Variants in BCAR3 observed in about 807,000 individuals in gnomAD.
The protein encoded by BCAR3 is breast cancer anti-estrogen resistance protein 3.
A neutral mutation model predicts 80.1 loss-of-function variants in BCAR3; 37 were observed. That is an observed-to-expected ratio of 0.46 (90% confidence interval 0.36 to 0.61). The LOEUF (loss-of-function observed/expected upper bound fraction) is 0.61, where lower values mean the gene tolerates loss of function less well. BCAR3 is among the 20% of genes least tolerant of loss of function. The pLI is 0.00. For missense variants in BCAR3, 978 were observed against 1,068.2 expected (o/e 0.92, Z 1.18); for synonymous variants, 389 against 418.9 (o/e 0.93, Z 0.87).
At chr1:93,703,842 C>T (rs1649736098) in intron 3 of BCAR3, among the ~76,000 whole-genome samples, 3 of 152,192 alleles carry the variant, frequency 2.0e-5, no homozygotes, top group Admixed American at 6.5e-5. Flanking sequence ...TGACAAACAA[C>T]AGACAAATGA....
chr1:93,581,551 C>T (rs1016817327), intron 7 of BCAR3, among the ~76,000 whole-genome samples: 1 of 152,092 alleles, frequency 6.6e-6, no homozygotes, highest in Non-Finnish European at 1.5e-5. Flanking sequence ...GCTGGGATTA[C>T]AGGCGTGTAC....
intron 2 of BCAR3, among the ~76,000 whole-genome samples, chr1:93,650,086 C>T (rs962944350): frequency 1.2e-4 from 18 of 151,338 alleles, no homozygotes; most frequent in African/African-American, 3.9e-4. Context: ...TGCGATGGCT[C>T]ACACCTGTAA....
intron 2 of BCAR3, among the ~76,000 whole-genome samples, chr1:93,824,339 G>A (rs1215939366): frequency 1.5e-5 from 2 of 133,996 alleles, no homozygotes; most frequent in African/African-American, 5.0e-5. Context: ...CCTTAGTGCT[G>A]TTACCCTCTC....
chr1:93,705,719 G>A (rs1403683543), intron 3 of BCAR3, among the ~76,000 whole-genome samples: 2 of 152,208 alleles, frequency 1.3e-5, no homozygotes, highest in South Asian at 2.1e-4. Context: ...CTGAAATGAG[G>A]ATAATTATGG....
chr1:93,616,210 G>T (rs983923671), intron 3 of BCAR3, among the ~76,000 whole-genome samples: 1 of 152,030 alleles, frequency 6.6e-6, no homozygotes, highest in Non-Finnish European at 1.5e-5. Flanking sequence ...TTGTTCCACC[G>T]GGATTAAATA....
chr1:93,840,999 T>C (rs1654941903), intron 2 of BCAR3, among the ~76,000 whole-genome samples: 1 of 152,142 alleles, frequency 6.6e-6, no homozygotes, highest in Admixed American at 6.5e-5. Context: ...AGATGCTTAT[T>C]GTCTGGGAGA....
At chr1:93,659,803 G>A (rs1401583625) in intron 2 of BCAR3, among the ~76,000 whole-genome samples, 3 of 151,790 alleles carry the variant, frequency 2.0e-5, no homozygotes, top group Admixed American at 2.0e-4. Flanking sequence ...TTCATCCCTG[G>A]CTTCTCTGAC....
intron 2 of BCAR3, among the ~76,000 whole-genome samples, chr1:93,786,192 CAA>C (rs61644309): frequency 0.046 from 1,062 of 23,110 alleles, 28 homozygotes; most frequent in African/African-American, 0.2. Flanking sequence ...GACTCCGTCT[CAA>C]AAAAAAAAAA....
At position 93,842,416 on chromosome 1, in the gene BCAR3, T is replaced by G. The variant is rs369483655; in HGVS notation, c.-63+3151A>C. 9.8e-5 allele frequency among the ~76,000 whole-genome samples: 15 copies of G among 152,288 alleles called. No homozygotes were observed. The South Asian group carries it at 3.1e-3, about 32-fold the overall frequency. On this transcript the variant is annotated intron_variant, in intron 2 of 13. Coordinates refer to the BCAR3 transcript ENST00000370244. The stretch of plus-strand genomic sequence containing the variant: ...ATCCACCCGCCTCAGCCTCCCCAAG[T>G]GCTAGGATTACAGCCATGAGCTACC...
Position 93,769,355 on chromosome 1 carries a change from A to ATGTGTGTGTG in BCAR3, c.-62-63223_-62-63214dup, listed in dbSNP as rs59798936. On this transcript the variant is annotated intron_variant, in intron 2 of 13. Coordinates refer to the BCAR3 transcript ENST00000370244. ...TTTAGGACTAAATATGTGGGTAGGA[A>ATGTGTGTGTG]TGTGTGTGTGTGTGTGTGTGTGTGT... Among the ~76,000 whole-genome samples the ATGTGTGTGTG allele has an allele frequency of 4.4e-3, 532 of 119,900 alleles. 6 individuals carry two copies. Among genetic ancestry groups the ATGTGTGTGTG allele is most frequent in the African/African-American group, 0.011 (340 of 31,494 alleles). 78.7% of individuals were successfully genotyped at this position (119,900 alleles called of 152,430 possible).
At chr1:93,712,917 C>G (rs1291034464) in intron 2 of BCAR3, among the ~76,000 whole-genome samples, 1 of 152,194 alleles carries the variant, frequency 6.6e-6, no homozygotes, top group Non-Finnish European at 1.5e-5. Flanking sequence ...CTAGAATGTT[C>G]CTTATCTCTA....
intron 3 of BCAR3, among the ~76,000 whole-genome samples, chr1:93,634,720 C>CAAAAAAAAA (rs71588503): frequency 7.7e-6 from 1 of 129,512 alleles, no homozygotes; most frequent in Non-Finnish European, 1.7e-5. Flanking sequence ...ACAACAACAA[C>CAAAAAAAAA]AAAAAAAAAA....
At chr1:93,602,456 A>G (rs1401105656) in intron 3 of BCAR3, 1 of 152,262 alleles carries the variant, frequency 6.6e-6, no homozygotes, top group African/African-American at 2.4e-5. Flanking sequence ...TGTTGTAAAC[A>G]TGTAAAGAAA....
At chr1:93,841,722 T>C (rs1654967358) in intron 2 of BCAR3, among the ~76,000 whole-genome samples, 1 of 152,206 alleles carries the variant, frequency 6.6e-6, no homozygotes, top group Non-Finnish European at 1.5e-5. Flanking sequence ...CATGTTCCCT[T>C]TATCCTTAGC....
intron 2 of BCAR3, among the ~76,000 whole-genome samples, chr1:93,772,164 A>G (rs1185735414): frequency 6.6e-6 from 1 of 152,214 alleles, no homozygotes; most frequent in African/African-American, 2.4e-5. Flanking sequence ...CACAAGGGAC[A>G]TTGTATGAGA....
rs144951779 is a variant in BCAR3, at chr1:93,695,722, G to A, written c.-12+10370C>T. ...GCCTCAGCCCCTCCTCTGAAATTGC[G>A]CTCCCTGAGGTTGATAATGACTTCT... On this transcript the variant is annotated intron_variant, in intron 3 of 13. Transcript: ENST00000370244. Among the ~76,000 whole-genome samples, 263 of 152,270 alleles carry A rather than the reference G, an allele frequency of 1.7e-3. 1 individual carries two copies. Among genetic ancestry groups the A allele is most frequent in the African/African-American group, 3.3e-3 (139 of 41,538 alleles).
At chr1:93,796,431 G>C (rs1027179165) in intron 2 of BCAR3, among the ~76,000 whole-genome samples, 1 of 147,710 alleles carries the variant, frequency 6.8e-6, no homozygotes, top group African/African-American at 2.6e-5. Context: ...AGGTGCGTCC[G>C]TCACCCCTTT....
At chr1:93,745,123 A>G (rs1419996165) in intron 2 of BCAR3, among the ~76,000 whole-genome samples, 2 of 152,202 alleles carry the variant, frequency 1.3e-5, no homozygotes, top group Admixed American at 6.5e-5. Flanking sequence ...TCTTTCAAAG[A>G]GTCAGTGATG....
chr1:93,828,887 T>C (rs1654464845), intron 2 of BCAR3, among the ~76,000 whole-genome samples: 1 of 152,122 alleles, frequency 6.6e-6, no homozygotes, highest in Non-Finnish European at 1.5e-5. Context: ...GAGATGGGGT[T>C]TCACCATGTT....
Sources: allele counts gnomAD v4.1 joint callset (sites outside exome capture counted in the v4.1 genomes callset), GRCh38; gene constraint gnomAD v4.1.1; transcripts MANE v1.5; gene names NCBI Gene and HGNC (gene_info 2026-07-23, HGNC 2026-07-21).